Variants in APBA1 observed in about 807,000 individuals in gnomAD.
APBA1 encodes amyloid beta precursor protein binding family A member 1, also known as amyloid-beta A4 precursor protein-binding family A member 1.
A neutral mutation model predicts 86.6 loss-of-function variants in APBA1; 55 were observed. The observed-to-expected ratio is 0.64, with a 90% confidence interval of 0.51 to 0.80. The LOEUF (loss-of-function observed/expected upper bound fraction) is 0.80, where lower values mean the gene tolerates loss of function less well. Ranked by LOEUF, APBA1 falls within the 30% of genes least tolerant of loss-of-function variation. The pLI is 0.00. For synonymous variants in APBA1, 511 were observed against 493.9 expected (o/e 1.03, Z -0.46); for missense variants, 1,090 against 1,183.0 (o/e 0.92, Z 1.15).
intron 1 of APBA1, among the ~76,000 whole-genome samples, chr9:69,585,650 A>G (rs11999656): frequency 0.08 from 12,165 of 152,162 alleles, 707 homozygotes; most frequent in African/African-American, 0.16. Context: ...TCTAACATAC[A>G]GGGCCCAGTG....
At chr9:69,488,372 G>C (rs746144106) in intron 2 of APBA1, among the ~76,000 whole-genome samples, 1 of 151,964 alleles carries the variant, frequency 6.6e-6, no homozygotes, top group Non-Finnish European at 1.5e-5. Context: ...TATAAAATCA[G>C]TACTACTTCT....
intron 1 of APBA1, among the ~76,000 whole-genome samples, chr9:69,534,381 CA>C (rs767156780): frequency 6.6e-6 from 1 of 152,170 alleles, no homozygotes; most frequent in Non-Finnish European, 1.5e-5. Flanking sequence ...GTGAGGATGT[CA>C]TTTCTGAGCT....
At chr9:69,511,933 G>A (rs1342614494) in intron 2 of APBA1, among the ~76,000 whole-genome samples, 2 of 143,232 alleles carry the variant, frequency 1.4e-5, no homozygotes, top group African/African-American at 5.1e-5. Flanking sequence ...TGGGGTGGGG[G>A]TAGGGGGGAG....
chr9:69,562,091 A>C lies in APBA1; in HGVS notation c.-69-44812T>G, dbSNP rs145342002. Among the ~76,000 whole-genome samples, 54 of 152,298 alleles carry C rather than the reference A, an allele frequency of 3.5e-4. No homozygotes were observed. In the East Asian group the frequency reaches 9.8e-3, roughly 28 times the overall value. On this transcript the variant is annotated intron_variant, in intron 1 of 12. Coordinates refer to ENST00000265381, the MANE Select transcript of APBA1 (RefSeq NM_001163.4). ...GTTGGACTGACTTGGTGTACTCTCA[A>C]AGTAGGCCTAATAATATTTTCCATG...
chr9:69,441,555 C>T (rs753575028), intron 10 of APBA1, among the ~76,000 whole-genome samples: 53 of 152,236 alleles, frequency 3.5e-4, no homozygotes, highest in Admixed American at 1.1e-3. Flanking sequence ...GACTCCTCTT[C>T]TAACAAAGGA....
chr9:69,454,354 C>T (rs989164993), intron 8 of APBA1, among the ~76,000 whole-genome samples: 2 of 152,172 alleles, frequency 1.3e-5, no homozygotes, highest in Non-Finnish European at 2.9e-5. Flanking sequence ...TGTGACCAGT[C>T]GACTTCCTGA....
intron 2 of APBA1, among the ~76,000 whole-genome samples, chr9:69,505,009 T>G (rs1342844823): frequency 5.3e-5 from 8 of 152,034 alleles, no homozygotes; most frequent in Admixed American, 5.2e-4. Flanking sequence ...TGGGCCTTTG[T>G]TGGGGGGCGT....
In APBA1 at chr9:69,588,296, AG is replaced by A. The variant is rs146432833; in HGVS notation, c.-69-71018del. 3.9e-5 allele frequency among the ~76,000 whole-genome samples: 6 copies of A among 152,296 alleles called. No individual in the cohort carries two copies. The East Asian group carries it at 1.2e-3, about 29-fold the overall frequency. On this transcript the variant is annotated intron_variant, in intron 1 of 12. Transcript: ENST00000265381. ...CAATGTCATTAAAAAGCTTATTGAC[AG>A]TGGGAGAATTAAAGAGCTACAAATG...
Position 69,430,869 on chromosome 9 carries a change from G to T in APBA1, c.*458C>A. The T allele has an allele frequency of 6.4e-6, 1 of 156,626 alleles. No individual in the cohort carries two copies. Among genetic ancestry groups the T allele is most frequent in the Non-Finnish European group, 1.4e-5 (1 of 70,728 alleles). The allele number at this position is 156,626 out of a possible 1,614,324, so 9.7% of individuals were successfully genotyped here. A position where few individuals can be genotyped will look rare whatever the true frequency, so the allele number is the denominator to read the frequency against. On this transcript the variant is annotated 3_prime_UTR_variant, in exon 13 of 13. Coordinates refer to ENST00000265381, the MANE Select transcript of APBA1 (RefSeq NM_001163.4). ...TGCATAACCTTAATGACGTGGGCTG[G>T]CCCTGGGTACTACCACATTCCCACA... is the stretch of plus-strand genomic sequence containing the variant.
chr9:69,512,382 T>TG (rs1564061167), intron 2 of APBA1, among the ~76,000 whole-genome samples: 1 of 152,150 alleles, frequency 6.6e-6, no homozygotes, highest in African/African-American at 2.4e-5. Flanking sequence ...ACTTAAGTTC[T>TG]GGGGGAATTA....
At chr9:69,458,079 A>G in intron 6 of APBA1, 77 bp downstream of exon 6, 3 of 1,418,436 alleles carry the variant, frequency 2.1e-6, no homozygotes, top group Non-Finnish European at 2.9e-6. Context: ...AAAAACACGA[A>G]AATATAAAAA....
At chr9:69,622,438 C>T (rs1205089932) in intron 1 of APBA1, among the ~76,000 whole-genome samples, 1 of 152,194 alleles carries the variant, frequency 6.6e-6, no homozygotes, top group Non-Finnish European at 1.5e-5. Context: ...CTTCCATTAG[C>T]AGAGGGAAGT....
intron 1 of APBA1, among the ~76,000 whole-genome samples, chr9:69,564,961 C>T (rs139968853): frequency 8.9e-4 from 136 of 152,214 alleles, no homozygotes; most frequent in African/African-American, 2.9e-3. Context: ...GTAATCCTTT[C>T]GAGGTGTGTG....
intron 1 of APBA1, among the ~76,000 whole-genome samples, chr9:69,593,256 A>C (rs1822165648): frequency 6.6e-6 from 1 of 151,952 alleles, no homozygotes; most frequent in Non-Finnish European, 1.5e-5. Context: ...ATATAAATAC[A>C]CTTGTGCTTA....
intron 1 of APBA1, among the ~76,000 whole-genome samples, chr9:69,651,302 G>A (rs1823494357): frequency 6.6e-6 from 1 of 152,198 alleles, no homozygotes; most frequent in Non-Finnish European, 1.5e-5. Flanking sequence ...ATCTCAGTGA[G>A]TGCTGGCAAT....
chr9:69,608,460 C>T (rs189856502), intron 1 of APBA1, among the ~76,000 whole-genome samples: 6 of 152,174 alleles, frequency 3.9e-5, no homozygotes, highest in Middle Eastern at 3.4e-3. Context: ...TGTTGTTACC[C>T]AGATATGAAA....
chr9:69,634,629 A>C (rs958405029), intron 1 of APBA1, among the ~76,000 whole-genome samples: 17 of 152,276 alleles, frequency 1.1e-4, no homozygotes, highest in African/African-American at 4.1e-4. Context: ...GAAGGTAAAA[A>C]ACACCAAGGA....
At chr9:69,645,649 G>C (rs1200570517) in intron 1 of APBA1, among the ~76,000 whole-genome samples, 1 of 152,198 alleles carries the variant, frequency 6.6e-6, no homozygotes, top group Non-Finnish European at 1.5e-5. Flanking sequence ...AGGGAGGGGG[G>C]AGCTCGTGCT....
chr9:69,484,877 T>G (rs1332145662), intron 2 of APBA1, among the ~76,000 whole-genome samples: 1 of 152,176 alleles, frequency 6.6e-6, no homozygotes, highest in African/African-American at 2.4e-5. Flanking sequence ...ATGCACCCAA[T>G]GCTTTCTTCA....
Sources: gnomAD v4.1 joint callset for allele counts (sites outside exome capture counted in the v4.1 genomes callset) on GRCh38, gnomAD v4.1.1 for gene constraint, MANE v1.5 for transcripts, NCBI Gene and HGNC (gene_info 2026-07-23, HGNC 2026-07-21) for gene names.